GPC5: variants seen among roughly 807,000 people sequenced by gnomAD.
GPC5 encodes glypican 5.
GPC5 carries 47 observed loss-of-function variants against 53.9 expected under a neutral mutation model. That is an observed-to-expected ratio of 0.87 (90% confidence interval 0.69 to 1.11). The LOEUF is 1.11. GPC5 is among the 50% of genes most tolerant of loss of function. The pLI is 0.00. For synonymous variants in GPC5, 286 were observed against 263.3 expected (o/e 1.09, Z -0.84); for missense variants, 748 against 713.1 (o/e 1.05, Z -0.56).
intron 7 of GPC5, among the ~76,000 whole-genome samples, chr13:92,282,323 G>T (rs1203342229): frequency 2.0e-5 from 3 of 152,154 alleles, no homozygotes; most frequent in Non-Finnish European, 4.4e-5. Flanking sequence ...AAAACACTCT[G>T]CAGGATATTA....
intron 6 of GPC5, among the ~76,000 whole-genome samples, chr13:91,945,067 A>C (rs2039962122): frequency 6.6e-6 from 1 of 152,248 alleles, no homozygotes; most frequent in Admixed American, 6.5e-5. Context: ...ATATATAAGC[A>C]TATAATACAC....
chr13:91,588,707 T>C (rs1479734107), intron 2 of GPC5, among the ~76,000 whole-genome samples: 2 of 152,174 alleles, frequency 1.3e-5, no homozygotes, highest in Non-Finnish European at 2.9e-5. Flanking sequence ...AGACTTGTGC[T>C]CTTGATCTCT....
intron 7 of GPC5, among the ~76,000 whole-genome samples, chr13:92,317,069 CAT>C (rs2043184412): frequency 6.6e-6 from 1 of 152,164 alleles, no homozygotes. Flanking sequence ...CATAAATTCT[CAT>C]ATTTCTAAAT....
intron 7 of GPC5, among the ~76,000 whole-genome samples, chr13:92,607,855 C>T (rs940888896): frequency 2.6e-5 from 4 of 152,192 alleles, no homozygotes; most frequent in East Asian, 3.9e-4. Flanking sequence ...ATTCTGCAGG[C>T]GCTTTACACG....
At chr13:91,716,223 A>G (rs2036335524) in intron 3 of GPC5, among the ~76,000 whole-genome samples, 2 of 152,158 alleles carry the variant, frequency 1.3e-5, no homozygotes, top group South Asian at 2.1e-4. Context: ...ATCCTTGTAT[A>G]TGCCTCCTTG....
chr13:92,816,132 T>C (rs1184056406), intron 7 of GPC5, among the ~76,000 whole-genome samples: 1 of 152,154 alleles, frequency 6.6e-6, no homozygotes, highest in Non-Finnish European at 1.5e-5. Context: ...GATTCTGAAA[T>C]GTATCCAAAT....
intron 7 of GPC5, among the ~76,000 whole-genome samples, chr13:92,335,520 C>G (rs1482780507): frequency 6.6e-6 from 1 of 152,166 alleles, no homozygotes; most frequent in Non-Finnish European, 1.5e-5. Flanking sequence ...CTCCTCATTA[C>G]CTATGCAAAT....
At chr13:91,975,490 C>T (rs1368931623) in intron 6 of GPC5, among the ~76,000 whole-genome samples, 2 of 152,172 alleles carry the variant, frequency 1.3e-5, no homozygotes, top group Non-Finnish European at 2.9e-5. Context: ...CAAAAGAAGA[C>T]ATTTATGCAG....
chr13:92,536,811 AT>A (rs1411247909), intron 7 of GPC5, among the ~76,000 whole-genome samples: 1 of 152,120 alleles, frequency 6.6e-6, no homozygotes, highest in African/African-American at 2.4e-5. Flanking sequence ...TAATATCATA[AT>A]TTTTTATACA....
At chr13:92,438,889 G>A (rs1165568904) in intron 7 of GPC5, among the ~76,000 whole-genome samples, 2 of 152,112 alleles carry the variant, frequency 1.3e-5, no homozygotes, top group African/African-American at 4.8e-5. Context: ...ACTTGGAAGA[G>A]AAAGTAAGCA....
At chr13:91,542,569 C>G (rs1194592823) in intron 2 of GPC5, among the ~76,000 whole-genome samples, 1 of 152,210 alleles carries the variant, frequency 6.6e-6, no homozygotes, top group African/African-American at 2.4e-5. Context: ...GTTGACTGAG[C>G]AAGTGATGAA....
intron 7 of GPC5, among the ~76,000 whole-genome samples, chr13:92,455,126 T>G (rs887467744): frequency 1.3e-5 from 2 of 152,158 alleles, no homozygotes; most frequent in African/African-American, 4.8e-5. Flanking sequence ...GCTGCAATGT[T>G]ACCACCAGGA....
chr13:91,436,361 T>C (rs774649412), intron 1 of GPC5, among the ~76,000 whole-genome samples: 11,373 of 151,742 alleles, frequency 0.075, 1,359 homozygotes, highest in African/African-American at 0.26. Context: ...GCTTTGAATG[T>C]GTCCCAGAGA....
intron 7 of GPC5, among the ~76,000 whole-genome samples, chr13:92,272,394 C>T (rs945747475): frequency 1.3e-5 from 2 of 152,152 alleles, no homozygotes; most frequent in Non-Finnish European, 2.9e-5. Context: ...ATTGAGAAAA[C>T]TGCCTATGAT....
chr13:92,847,718 T>C (rs1408259144), intron 7 of GPC5, among the ~76,000 whole-genome samples: 2 of 152,042 alleles, frequency 1.3e-5, no homozygotes, highest in Non-Finnish European at 2.9e-5. Flanking sequence ...TTGAGTGTGT[T>C]GTATGAAGAT....
chr13:92,131,467 T>G (rs2041742739), intron 6 of GPC5, among the ~76,000 whole-genome samples: 1 of 152,018 alleles, frequency 6.6e-6, no homozygotes, highest in Non-Finnish European at 1.5e-5. Context: ...CAGTTATATA[T>G]TTATAAAATG....
At chr13:91,580,325 C>T (rs1027913328) in intron 2 of GPC5, among the ~76,000 whole-genome samples, 1 of 152,168 alleles carries the variant, frequency 6.6e-6, no homozygotes, top group South Asian at 2.1e-4. Flanking sequence ...GCTGGGATTA[C>T]AGGAGTGAGC....
At chr13:91,919,558 A>G (rs1190969889) in intron 6 of GPC5, among the ~76,000 whole-genome samples, 4 of 152,358 alleles carry the variant, frequency 2.6e-5, no homozygotes, top group South Asian at 2.1e-4. Context: ...GCCACATGTT[A>G]CAATTCAATT....
Position 92,703,861 on chromosome 13 carries a change from A to T in GPC5, c.1562-162421A>T, listed in dbSNP as rs921746689. Among the ~76,000 whole-genome samples the T allele has an allele frequency of 1.7e-4, 26 of 152,014 alleles. No homozygotes were observed. The East Asian group carries it at 4.8e-3, about 28-fold the overall frequency. ...ATAAAGAAATGAGCAAATCACCTAA[A>T]ATTTTACACACATGGGAATTCATTT... On this transcript the variant is annotated intron_variant, in intron 7 of 7. Coordinates refer to ENST00000377067, the MANE Select transcript of GPC5 (RefSeq NM_004466.6).
Sources: gnomAD v4.1 joint callset for allele counts (sites outside exome capture counted in the v4.1 genomes callset) on GRCh38, gnomAD v4.1.1 for gene constraint, MANE v1.5 for transcripts, NCBI Gene and HGNC (gene_info 2026-07-23, HGNC 2026-07-21) for gene names.